STK24: variants seen among roughly 807,000 people sequenced by gnomAD.
STK24 encodes serine/threonine-protein kinase 24.
In STK24, 21 loss-of-function variants were observed where a neutral mutation model predicts 55.6. The observed-to-expected ratio is 0.38, with a 90% CI of 0.27 to 0.54. The LOEUF is 0.54. STK24 is among the 20% of genes least tolerant of loss of function. The pLI is 0.79. For synonymous variants in STK24, 200 were observed against 215.2 expected (o/e 0.93, Z 0.62); for missense variants, 383 against 538.4 (o/e 0.71, Z 2.86).
intron 1 of STK24, among the ~76,000 whole-genome samples, chr13:98,569,768 C>A (rs1594678017): frequency 6.6e-6 from 1 of 151,578 alleles, no homozygotes. Flanking sequence ...GAGCGGGGAG[C>A]CCATGTGAGG....
At chr13:98,459,343 G>C (rs919290046) in intron 9 of STK24, among the ~76,000 whole-genome samples, 3 of 152,228 alleles carry the variant, frequency 2.0e-5, no homozygotes, top group Non-Finnish European at 4.4e-5. Context: ...CAGCGGGCTC[G>C]GCTACTTCCC....
rs899465903 is a variant in STK24 at position 98,576,738 on chromosome 13, C to T, written c.42+7G>A. On this transcript the variant is annotated splice_region_variant and intron_variant, in intron 1 of 10. Coordinates refer to ENST00000539966, the MANE Select transcript of STK24 (RefSeq NM_001032296.4). The stretch of plus-strand genomic sequence containing the variant: ...GCATCCCGGCCCCGCGGCCCGCGCC[C>T]GCCTACCTGCATGCCGGGCAGGCCC... 4 of 1,460,032 alleles carry T rather than the reference C, an allele frequency of 2.7e-6. No individual in the cohort carries two copies. Among genetic ancestry groups the T allele is most frequent in the Admixed American group, 2.4e-5 (1 of 41,826 alleles). The allele number at this position is 1,460,032 out of a possible 1,614,324, so 90.4% of individuals were successfully genotyped here.
chr13:98,483,441 G>A (rs1246073195), intron 2 of STK24, among the ~76,000 whole-genome samples: 1 of 152,160 alleles, frequency 6.6e-6, no homozygotes, highest in African/African-American at 2.4e-5. Context: ...TGGTCCCTTT[G>A]GGAGAGCACT....
intron 3 of STK24, among the ~76,000 whole-genome samples, chr13:98,480,295 T>C (rs1287306315): frequency 6.6e-6 from 1 of 152,222 alleles, no homozygotes; most frequent in Non-Finnish European, 1.5e-5. Context: ...CGCTAAAGCA[T>C]TCCTGGAATT....
rs993445367 is a variant in STK24 at position 98,446,372 on chromosome 13, G to C, written c.*6801C>G. The C allele has an allele frequency of 1.6e-6, 1 of 606,886 alleles. No homozygotes were observed. The highest frequency in any genetic ancestry group is 2.9e-6 in the Non-Finnish European group (1 of 341,008). The allele number at this position is 606,886 out of a possible 1,614,324, so 37.6% of individuals were successfully genotyped here. On this transcript the variant is annotated 3_prime_UTR_variant, in exon 11 of 11. Coordinates refer to ENST00000539966, the MANE Select transcript of STK24 (RefSeq NM_001032296.4). The stretch of plus-strand genomic sequence containing the variant: ...TGTCCACCCGAGGCCCTCAACTCTA[G>C]GGAAGACTGACATTATCATCCACTG...
chr13:98,454,214 G>A (rs1212343812), intron 10 of STK24: 1 of 152,232 alleles, frequency 6.6e-6, no homozygotes, highest in Non-Finnish European at 1.5e-5. Flanking sequence ...CAAAGATGCT[G>A]ATGAGATTTG....
chr13:98,567,232 C>T (rs1357636743), intron 1 of STK24, among the ~76,000 whole-genome samples: 1 of 152,274 alleles, frequency 6.6e-6, no homozygotes, highest in Non-Finnish European at 1.5e-5. Context: ...GACTCTGCAA[C>T]ATGCAATCTG....
At chr13:98,462,947 C>T (rs1893774334) in intron 7 of STK24, among the ~76,000 whole-genome samples, 1 of 152,190 alleles carries the variant, frequency 6.6e-6, no homozygotes, top group Admixed American at 6.5e-5. Context: ...AGCAATCTCC[C>T]AATGGCAGTA....
At chr13:98,470,771 C>T (rs1414112973) in intron 5 of STK24, among the ~76,000 whole-genome samples, 3 of 152,138 alleles carry the variant, frequency 2.0e-5, no homozygotes, top group South Asian at 2.1e-4. Flanking sequence ...AAATAAAGTA[C>T]GCTAGCTACA....
chr13:98,519,147 C>T, intron 2 of STK24, 96 bp downstream of exon 2: 1 of 958,114 alleles, frequency 1.0e-6, no homozygotes, highest in Non-Finnish European at 1.6e-6. Context: ...TGCTCTGAAA[C>T]CTGCTGTGCT....
intron 2 of STK24, among the ~76,000 whole-genome samples, chr13:98,498,867 C>A (rs1297426110): frequency 6.6e-6 from 1 of 152,168 alleles, no homozygotes; most frequent in Non-Finnish European, 1.5e-5. Context: ...TCCCAGACCG[C>A]CACTGGGGAA....
chr13:98,479,186 TG>T (rs1299691577), intron 3 of STK24, among the ~76,000 whole-genome samples: 3 of 152,238 alleles, frequency 2.0e-5, no homozygotes, highest in Non-Finnish European at 4.4e-5. Context: ...GCAAGGCGGC[TG>T]GAACTTGAGA....
intron 2 of STK24, among the ~76,000 whole-genome samples, chr13:98,493,659 G>A (rs1055838428): frequency 6.6e-6 from 1 of 152,006 alleles, no homozygotes; most frequent in Admixed American, 6.5e-5. Context: ...TGTTCTGCTA[G>A]ATGACAATCT....
chr13:98,461,965 A>T, intron 7 of STK24, 68 bp from the exon 8 acceptor site: 1 of 1,590,826 alleles, frequency 6.3e-7, no homozygotes, highest in African/African-American at 1.3e-5. Flanking sequence ...TGGGACGTTC[A>T]GGGGGAGGCC....
At chr13:98,536,205 G>A (rs546269722) in intron 1 of STK24, among the ~76,000 whole-genome samples, 1 of 152,192 alleles carries the variant, frequency 6.6e-6, no homozygotes, top group South Asian at 2.1e-4. Flanking sequence ...AAGGGCAAGA[G>A]GGAACGTGAG....
intron 1 of STK24, among the ~76,000 whole-genome samples, chr13:98,551,203 G>A (rs1170240881): frequency 2.0e-5 from 3 of 151,586 alleles, no homozygotes; most frequent in East Asian, 3.9e-4. Flanking sequence ...GGAGAATGGC[G>A]TGAACCCGGG....
At chr13:98,539,544 TG>T (rs1896828853) in intron 1 of STK24, among the ~76,000 whole-genome samples, 1 of 148,744 alleles carries the variant, frequency 6.7e-6, no homozygotes, top group Admixed American at 6.8e-5. Flanking sequence ...TCTCTCGACT[TG>T]ATCTCTGCAA....
At chr13:98,478,998 T>A (rs1271591238) in intron 3 of STK24, among the ~76,000 whole-genome samples, 1 of 152,198 alleles carries the variant, frequency 6.6e-6, no homozygotes, top group Non-Finnish European at 1.5e-5. Context: ...CGCTGCTGTG[T>A]CCAACGGCAA....
chr13:98,482,115 G>T, intron 3 of STK24, 150 bp downstream of exon 3: 1 of 416,984 alleles, frequency 2.4e-6, no homozygotes, highest in Non-Finnish European at 4.3e-6. Context: ...TATATAAGAA[G>T]CAAAAAAACA....
Sources: gnomAD v4.1 joint callset for allele counts (sites outside exome capture counted in the v4.1 genomes callset) on GRCh38, gnomAD v4.1.1 for gene constraint, MANE v1.5 for transcripts, NCBI Gene and HGNC (gene_info 2026-07-23, HGNC 2026-07-21) for gene names.